Variants in SLC7A8 observed in about 807,000 individuals in gnomAD.
The protein encoded by SLC7A8 is solute carrier family 7 member 8.
Under a neutral mutation model 51.2 loss-of-function variants are expected in SLC7A8, and 30 were observed. The ratio of observed to expected loss-of-function variants is 0.59; its 90% confidence interval spans 0.44 to 0.80. The LOEUF is 0.80. SLC7A8 is among the 30% of genes least tolerant of loss of function. The pLI, the probability that SLC7A8 is intolerant of heterozygous loss-of-function variation, is 0.00. For missense variants in SLC7A8, 612 were observed against 674.4 expected, an observed-to-expected ratio of 0.91 and a Z score of 1.03; for synonymous variants, 257 against 275.8, an observed-to-expected ratio of 0.93 and a Z score of 0.67.
At position 23,165,199 on chromosome 14, in the gene SLC7A8, CAG is replaced by C; in HGVS notation, c.508+84_508+85del. On this transcript the variant is annotated intron_variant, in intron 3 of 10. Transcript: ENST00000316902. The surrounding 1 kb of genome is among the most constrained non-coding windows in gnomAD (Gnocchi z 4.2). ...TGCGGCTGCGCTCCAGCCTGAGTGA[CAG>C]AGTGAAGACTCTGTTTCTAAAAATA... 7.4e-7 allele frequency: 1 copy of C among 1,345,420 alleles called. No homozygotes were observed. The highest frequency in any genetic ancestry group is 1.5e-5 in the African/African-American group (1 of 65,530). 83.3% of individuals were successfully genotyped at this position (1,345,420 alleles called of 1,614,324 possible). A position where few individuals can be genotyped will look rare whatever the true frequency, so the allele number is the denominator to read the frequency against.
Position 23,139,495 on chromosome 14 carries a change from C to G in SLC7A8, c.841G>C (p.Val281Leu). 6.2e-7 allele frequency: 1 copy of G among 1,614,160 alleles called. No individual in the cohort carries two copies. The highest frequency in any genetic ancestry group is 8.5e-7 in the Non-Finnish European group (1 of 1,180,022). ...GTGACATAAGCGACATTGGCAAAGACATACACAAATGTGACCAGTGGGATG... is the reference window on the plus strand; with the variant it reads ...GTGACATAAGCGACATTGGCAAAGAGATACACAAATGTGACCAGTGGGATG... ...ISIPLVTFVY[V>L]FANVAYVTAM... The change falls in exon 6 of 11, where the codon GTC becomes CTC. Residue 281 changes from valine to leucine, a missense_variant. Val to Leu is a conservative substitution (Grantham distance 32, BLOSUM62 1). Coordinates refer to ENST00000316902, the MANE Select transcript of SLC7A8 (RefSeq NM_012244.4).
chr14:23,171,511 A>C (rs1271199184), intron 1 of SLC7A8, among the ~76,000 whole-genome samples: 1 of 152,182 alleles, frequency 6.6e-6, no homozygotes, highest in Non-Finnish European at 1.5e-5. Context: ...CCATCAAAGA[A>C]TTTCCTAAGG....
chr14:23,179,438 T>C (rs2140342591), intron 1 of SLC7A8, among the ~76,000 whole-genome samples: 1 of 152,088 alleles, frequency 6.6e-6, no homozygotes, highest in East Asian at 1.9e-4. Context: ...TAGTTTAAAT[T>C]ATCCCTCTTA....
chr14:23,165,769 C>A lies in SLC7A8; in HGVS notation c.357-333G>T, dbSNP rs1432122227. ...CCAGAATGTTGATAGACAGGACATACTAAGGGTGTGGTTACGTAAGCAATA... is the reference window on the plus strand; with the variant it reads ...CCAGAATGTTGATAGACAGGACATAATAAGGGTGTGGTTACGTAAGCAATA... On this transcript the variant is annotated intron_variant, in intron 2 of 10. Coordinates refer to ENST00000316902, the MANE Select transcript of SLC7A8 (RefSeq NM_012244.4). The surrounding 1 kb of genome is among the most constrained non-coding windows in gnomAD (Gnocchi z 4.2). 6.6e-6 allele frequency among the ~76,000 whole-genome samples: 1 copy of A among 152,248 alleles called. No individual in the cohort carries two copies. The highest frequency in any genetic ancestry group is 1.9e-4 in the East Asian group (1 of 5,166).
chr14:23,144,940 T>TA (rs1218012579), intron 3 of SLC7A8, among the ~76,000 whole-genome samples: 2 of 150,336 alleles, frequency 1.3e-5, no homozygotes, highest in Non-Finnish European at 3.0e-5. Flanking sequence ...TTTCTTTTTT[T>TA]TTTTTTTTCT....
intron 3 of SLC7A8, among the ~76,000 whole-genome samples, chr14:23,156,901 G>A (rs1162929426): frequency 6.6e-6 from 1 of 152,220 alleles, no homozygotes; most frequent in Non-Finnish European, 1.5e-5. Context: ...GAGCAGAAGA[G>A]ACACTATGGG....
At position 23,183,136 on chromosome 14, in the gene SLC7A8, CTA is replaced by C; in HGVS notation, c.-224_-223del. On this transcript the variant is annotated 5_prime_UTR_variant, in exon 1 of 11. It removes the in-frame stop codon of an upstream open reading frame in the 5' UTR. Transcript: ENST00000316902. ...GCGTTTACAAACAAGAAAAGTGTTGCTAAAAAAAAAAAAAAAAAAAAAGGCCA... is the reference window on the plus strand; with the variant it reads ...GCGTTTACAAACAAGAAAAGTGTTGCAAAAAAAAAAAAAAAAAAAAGGCCA... 1 of 7,922 alleles carries C rather than the reference CTA, an allele frequency of 1.3e-4. No homozygotes were observed. Among genetic ancestry groups the C allele is most frequent in the Non-Finnish European group, 4.1e-4 (1 of 2,430 alleles). The allele number at this position is 7,922 out of a possible 1,614,324, so 0.5% of individuals were successfully genotyped here.
At chr14:23,131,645 C>A in intron 7 of SLC7A8, 88 bp from the exon 8 acceptor site, 2 of 995,250 alleles carry the variant, frequency 2.0e-6, no homozygotes, top group Non-Finnish European at 2.8e-6. Context: ...TCTGCCCACA[C>A]AGGGGCATCC....
intron 1 of SLC7A8, among the ~76,000 whole-genome samples, chr14:23,171,161 T>C (rs2048973701): frequency 6.6e-6 from 1 of 152,204 alleles, no homozygotes; most frequent in South Asian, 2.1e-4. Flanking sequence ...ATTGCTGAGG[T>C]ACTCAAGGTT....
rs139979081 is a variant in SLC7A8 at position 23,160,376 on chromosome 14, T to C, written c.508+4909A>G. On this transcript the variant is annotated intron_variant, in intron 3 of 10. Coordinates refer to ENST00000316902, the MANE Select transcript of SLC7A8 (RefSeq NM_012244.4). ...CACGAGGTCAGGAGATCGAGACCAT[T>C]CTGGCTAACAAGGTGAAACGCTGTC... is the stretch of plus-strand genomic sequence containing the variant. 4.7e-3 allele frequency among the ~76,000 whole-genome samples: 710 copies of C among 151,986 alleles called. 2 individuals are homozygous for C. The highest frequency in any genetic ancestry group is 8.0e-3 in the Admixed American group (122 of 15,268).
At chr14:23,127,414 C>T (rs922364820) in intron 10 of SLC7A8, 71 bp from the exon 11 acceptor site, 27 of 1,556,000 alleles carry the variant, frequency 1.7e-5, no homozygotes, top group Admixed American at 6.9e-5. Context: ...GTGGCCCCGG[C>T]CCTTCCTGGC....
chr14:23,151,539 T>C (rs1489014016), intron 3 of SLC7A8, among the ~76,000 whole-genome samples: 1 of 152,064 alleles, frequency 6.6e-6, no homozygotes, highest in Non-Finnish European at 1.5e-5. Flanking sequence ...GGAGGATCAA[T>C]TGAGGCCAGA....
rs2048605522 is a variant in SLC7A8, at chr14:23,128,886, G to A, written c.1264-690C>T. Among the ~76,000 whole-genome samples, 1 of 152,194 alleles carries A rather than the reference G, an allele frequency of 6.6e-6. No homozygotes were observed. Among genetic ancestry groups the A allele is most frequent in the South Asian group, 2.1e-4 (1 of 4,834 alleles). On this transcript the variant is annotated intron_variant, in intron 9 of 10. Coordinates refer to ENST00000316902, the MANE Select transcript of SLC7A8 (RefSeq NM_012244.4). The surrounding 1 kb of genome is among the most constrained non-coding windows in gnomAD (Gnocchi z 4.3). The stretch of plus-strand genomic sequence containing the variant: ...TTTTCTAAGTGTGAGAGTAGAAAAT[G>A]GCGGTGGAAATGCCAGTGAGGAACT...
intron 7 of SLC7A8, among the ~76,000 whole-genome samples, chr14:23,133,440 CAAAA>C (rs10577714): frequency 1.4e-4 from 13 of 93,194 alleles, no homozygotes; most frequent in Non-Finnish European, 1.7e-4. Flanking sequence ...GAACCTGTCT[CAAAA>C]AAAAAAAAAA....
At chr14:23,151,166 G>A (rs1238161550) in intron 3 of SLC7A8, among the ~76,000 whole-genome samples, 2 of 152,324 alleles carry the variant, frequency 1.3e-5, no homozygotes, top group African/African-American at 4.8e-5. Flanking sequence ...ACTGTCCACA[G>A]CCAGCGGTGC....
At chr14:23,132,887 C>T (rs1212646160) in intron 7 of SLC7A8, among the ~76,000 whole-genome samples, 3 of 151,896 alleles carry the variant, frequency 2.0e-5, no homozygotes, top group African/African-American at 7.3e-5. Flanking sequence ...CTGCCCGCCT[C>T]GGCCTCCCAA....
chr14:23,144,062 C>G lies in SLC7A8; in HGVS notation c.509-858G>C, dbSNP rs2048768684. Among the ~76,000 whole-genome samples the G allele has an allele frequency of 1.3e-5, 2 of 152,148 alleles. 1 individual carries two copies. Among genetic ancestry groups the G allele is most frequent in the South Asian group, 4.1e-4 (2 of 4,822 alleles). On this transcript the variant is annotated intron_variant, in intron 3 of 10. Coordinates refer to ENST00000316902, the MANE Select transcript of SLC7A8 (RefSeq NM_012244.4). ...TTTTTCCATAGACATTTGGGTTGCT[C>G]ACAGTGTGGGACTATTATGAATAGA...
chr14:23,161,925 T>TCAAAAAAAAAAAAAA lies in SLC7A8; in HGVS notation c.508+3359_508+3360insTTTTTTTTTTTTTTG, dbSNP rs57814296. Among the ~76,000 whole-genome samples, 2 of 107,186 alleles carry TCAAAAAAAAAAAAAA rather than the reference T, an allele frequency of 1.9e-5. 1 individual carries two copies. The highest frequency in any genetic ancestry group is 3.7e-5 in the Non-Finnish European group (2 of 54,514). The allele number at this position is 107,186 out of a possible 152,430, so 70.3% of individuals were successfully genotyped here. A position where few individuals can be genotyped will look rare whatever the true frequency, so the allele number is the denominator to read the frequency against. Reference sequence around the variant, plus strand: ...CTGGGTGACAGAGTGAGACTCCATCTAAAAAAAAAAAAAAAAAAAGCATCT... The same window carrying TCAAAAAAAAAAAAAA: ...CTGGGTGACAGAGTGAGACTCCATCTCAAAAAAAAAAAAAAAAAAAAAAAAAAAAAAAAAGCATCT... On this transcript the variant is annotated intron_variant, in intron 3 of 10. Coordinates refer to ENST00000316902, the MANE Select transcript of SLC7A8 (RefSeq NM_012244.4).
intron 4 of SLC7A8, 46 bp from the exon 5 acceptor site, chr14:23,140,670 G>A (rs2140312670): frequency 6.3e-7 from 1 of 1,582,624 alleles, no homozygotes; most frequent in Non-Finnish European, 8.6e-7. Flanking sequence ...ACAAGTCAGG[G>A]GCCCAGCAGC....
Sources: gnomAD v4.1 joint callset for allele counts (sites outside exome capture counted in the v4.1 genomes callset) on GRCh38, gnomAD v4.1.1 for gene constraint, Gnocchi (gnomAD v3.1) non-coding constraint, MANE v1.5 for transcripts, NCBI Gene and HGNC (gene_info 2026-07-23, HGNC 2026-07-21) for gene names.